Variants in MED30 observed in about 807,000 individuals in gnomAD.
MED30 encodes the protein mediator complex subunit 30.
Under a neutral mutation model 21.7 loss-of-function variants are expected in MED30, and 8 were observed. That is an observed-to-expected ratio of 0.37 (90% CI 0.22 to 0.67). The LOEUF is 0.67. Among genes scored for constraint, MED30 ranks in the 30% least tolerant of loss-of-function variants. MED30 has a pLI of 0.58. For synonymous variants in MED30, 79 were observed against 86.7 expected, an observed-to-expected ratio of 0.91 and a Z score of 0.49; for missense variants, 203 against 228.2, an observed-to-expected ratio of 0.89 and a Z score of 0.71.
intron 3 of MED30, among the ~76,000 whole-genome samples, chr8:117,537,370 G>A (rs1015481457): frequency 1.3e-5 from 2 of 152,112 alleles, no homozygotes; most frequent in African/African-American, 2.4e-5. Flanking sequence ...ATCCTATATC[G>A]TGTCATGAAA....
intron 1 of MED30, chr8:117,523,852 CAAAAATTAGCCGGGCGTGG>C: frequency 2.1e-6 from 1 of 465,582 alleles, no homozygotes. Flanking sequence ...ACTAAAAATA[CAAAAATTAGCCGGGCGTGG>C]TGGCGGGCGC....
intron 3 of MED30, among the ~76,000 whole-genome samples, chr8:117,537,504 G>A (rs1818900252): frequency 6.6e-6 from 1 of 151,880 alleles, no homozygotes; most frequent in Admixed American, 6.6e-5. Flanking sequence ...AAACTTTGTG[G>A]CATCTTTGAG....
At chr8:117,534,906 T>C (rs567816662) in intron 3 of MED30, among the ~76,000 whole-genome samples, 119 of 139,846 alleles carry the variant, frequency 8.5e-4, no homozygotes, top group African/African-American at 2.9e-3. Context: ...TAAAAAAATA[T>C]ATAAATGTGA....
chr8:117,530,549 T>C, intron 2 of MED30, 174 bp from the exon 3 acceptor site: 1 of 481,174 alleles, frequency 2.1e-6, no homozygotes, highest in Non-Finnish European at 3.7e-6. Context: ...ATGCATAGAA[T>C]GCATTGAAAT....
intron 3 of MED30, among the ~76,000 whole-genome samples, chr8:117,533,896 T>C (rs1818827648): frequency 6.6e-6 from 1 of 152,232 alleles, no homozygotes; most frequent in South Asian, 2.1e-4. Flanking sequence ...GTGATGTGCA[T>C]ACATCAGTGA....
At chr8:117,527,434 A>C (rs1320209127) in intron 1 of MED30, among the ~76,000 whole-genome samples, 1 of 151,924 alleles carries the variant, frequency 6.6e-6, no homozygotes, top group African/African-American at 2.4e-5. Flanking sequence ...CCATCTCCTT[A>C]ACTTGTAAAC....
intron 1 of MED30, among the ~76,000 whole-genome samples, chr8:117,522,948 T>G (rs144524501): frequency 7.7e-4 from 118 of 152,298 alleles, no homozygotes; most frequent in African/African-American, 2.7e-3. Flanking sequence ...AGGAGCAGTT[T>G]TAAGGAGTAT....
intron 1 of MED30, among the ~76,000 whole-genome samples, chr8:117,527,388 C>T (rs1050928344): frequency 6.6e-6 from 1 of 151,860 alleles, no homozygotes; most frequent in African/African-American, 2.4e-5. Flanking sequence ...TTCTGAAACT[C>T]CTAATAATAT....
chr8:117,522,486 T>C (rs1021704684), intron 1 of MED30, among the ~76,000 whole-genome samples: 2 of 152,194 alleles, frequency 1.3e-5, no homozygotes, highest in African/African-American at 4.8e-5. Flanking sequence ...GTAGTAGATA[T>C]TATTTTTGTT....
intron 1 of MED30, chr8:117,523,691 G>A: frequency 6.4e-7 from 1 of 1,572,486 alleles, no homozygotes; most frequent in Non-Finnish European, 8.7e-7. Flanking sequence ...AATCCTCCTT[G>A]GCCACCATGA....
In MED30 at chr8:117,520,799, C is replaced by T. The variant is rs1818595061; in HGVS notation, c.-78C>T. 3.6e-6 allele frequency: 5 copies of T among 1,398,104 alleles called. No homozygotes were observed. Among genetic ancestry groups the T allele is most frequent in the South Asian group, 1.4e-5 (1 of 71,772 alleles). The allele number at this position is 1,398,104 out of a possible 1,614,324, so 86.6% of individuals were successfully genotyped here. ...TCTCAAGCTGGTTCCAACGCTGAGG[C>T]CCCACAGCCTCCCAATTCCGGGCAG... On this transcript the variant is annotated 5_prime_UTR_variant, in exon 1 of 4. Transcript: ENST00000297347.
chr8:117,525,458 A>G (rs1315400425), intron 1 of MED30, among the ~76,000 whole-genome samples: 3 of 148,528 alleles, frequency 2.0e-5, no homozygotes. Flanking sequence ...CCTGTCTTTT[A>G]CCTTTTGGCT....
intron 3 of MED30, among the ~76,000 whole-genome samples, chr8:117,538,221 C>G (rs1490020276): frequency 1.3e-5 from 2 of 152,112 alleles, no homozygotes; most frequent in East Asian, 3.9e-4. Context: ...ACTAAAAATA[C>G]CAGCAGTTTT....
At chr8:117,536,633 A>C (rs1048228200) in intron 3 of MED30, among the ~76,000 whole-genome samples, 2 of 152,262 alleles carry the variant, frequency 1.3e-5, no homozygotes, top group Non-Finnish European at 2.9e-5. Context: ...TTTGAGGCAC[A>C]TGATTTGTAG....
chr8:117,539,551 A>T (rs1818942925), intron 3 of MED30, among the ~76,000 whole-genome samples: 2 of 152,024 alleles, frequency 1.3e-5, no homozygotes. Flanking sequence ...CCGTTAGGTT[A>T]TGCTGCCCCT....
At chr8:117,529,897 C>T (rs1012267073) in intron 2 of MED30, among the ~76,000 whole-genome samples, 2 of 151,802 alleles carry the variant, frequency 1.3e-5, no homozygotes, top group Non-Finnish European at 2.9e-5. Context: ...TGCATTGAGA[C>T]AGATGAAAGA....
chr8:117,537,735 G>A (rs1290180840), intron 3 of MED30, among the ~76,000 whole-genome samples: 1 of 152,144 alleles, frequency 6.6e-6, no homozygotes, highest in African/African-American at 2.4e-5. Context: ...TCAGTGGTGA[G>A]ACCATTGTGA....
chr8:117,540,047 G>C lies in MED30; in HGVS notation c.*69G>C. ...TTTTTCCCTCAAGTATTTTTTCCCT[G>C]TGAAGAAGATTATTTATCTGCTTTT... On this transcript the variant is annotated 3_prime_UTR_variant, in exon 4 of 4. Coordinates refer to ENST00000297347, the MANE Select transcript of MED30 (RefSeq NM_080651.4). 1 of 867,646 alleles carries C rather than the reference G, an allele frequency of 1.2e-6. No individual in the cohort carries two copies. The highest frequency in any genetic ancestry group is 1.7e-6 in the Non-Finnish European group (1 of 584,218). 53.7% of individuals were successfully genotyped at this position (867,646 alleles called of 1,614,324 possible).
chr8:117,531,176 A>G (rs749320097), intron 3 of MED30, among the ~76,000 whole-genome samples: 40 of 152,078 alleles, frequency 2.6e-4, no homozygotes, highest in Non-Finnish European at 5.0e-4. Context: ...TGAAATGTGA[A>G]TGTCTCAACA....
Sources: allele counts gnomAD v4.1 joint callset (sites outside exome capture counted in the v4.1 genomes callset), GRCh38; gene constraint gnomAD v4.1.1; transcripts MANE v1.5; gene names NCBI Gene and HGNC (gene_info 2026-07-23, HGNC 2026-07-21).